The following CAPN9 variants were observed in gnomAD, a reference collection of about 807,000 sequenced individuals.
CAPN9 encodes the protein calpain-9.
CAPN9 carries 81 observed loss-of-function variants against 92.8 expected under a neutral mutation model. The ratio of observed to expected loss-of-function variants is 0.87; its 90% CI spans 0.73 to 1.05. The LOEUF is 1.05. CAPN9 is among the 50% of genes least tolerant of loss of function. The pLI is 0.00. For missense variants in CAPN9, 848 were observed against 866.2 expected, an observed-to-expected ratio of 0.98 and a Z score of 0.26; for synonymous variants, 304 against 328.0, an observed-to-expected ratio of 0.93 and a Z score of 0.79.
At chr1:230,747,936 C>T (rs563115767) in intron 1 of CAPN9, among the ~76,000 whole-genome samples, 2 of 152,248 alleles carry the variant, frequency 1.3e-5, no homozygotes, top group African/African-American at 4.8e-5. Flanking sequence ...ACCCGCTCCC[C>T]GGCTCCAAGC....
chr1:230,752,933 G>A (rs535289861), intron 1 of CAPN9, among the ~76,000 whole-genome samples: 1 of 152,322 alleles, frequency 6.6e-6, no homozygotes, highest in Non-Finnish European at 1.5e-5. Context: ...GAGCGGGGCA[G>A]GCTATTCCTG....
In CAPN9 at chr1:230,779,045, G is replaced by C; in HGVS notation, c.1026G>C (p.Glu342Asp). 1 of 1,613,822 alleles carries C rather than the reference G, an allele frequency of 6.2e-7. No homozygotes were observed. The highest frequency in any genetic ancestry group is 8.5e-7 in the Non-Finnish European group (1 of 1,179,978). Reference sequence around the variant, plus strand: ...GCAACCTCACTCCCGATGCCCTGGAGGAAGACGCGATCCACAAATGGGAGG... The same window carrying C: ...GCAACCTCACTCCCGATGCCCTGGACGAAGACGCGATCCACAAATGGGAGG... The part of the protein sequence containing the change: ...EICNLTPDAL[E>D]EDAIHKWEVT... Residue 342 changes from glutamate to aspartate, a missense_variant, in exon 9 of 20, where the codon GAG (glutamate) becomes GAC (aspartate). Coordinates refer to ENST00000271971, the MANE Select transcript of CAPN9 (RefSeq NM_006615.3).
chr1:230,751,591 AAGAAAGAAAGAAAGAAAG>A (rs1198757931), intron 1 of CAPN9, among the ~76,000 whole-genome samples: 3,462 of 22,738 alleles, frequency 0.15, 360 homozygotes, highest in Admixed American at 0.25. Flanking sequence ...GAAACAAAGA[AAGAAAGAAAGAAAGAAAG>A]AGAAAGAAAG....
intron 9 of CAPN9, 137 bp from the exon 10 acceptor site, chr1:230,780,042 T>C: frequency 1.6e-6 from 1 of 644,846 alleles, no homozygotes; most frequent in Non-Finnish European, 2.6e-6. Context: ...CTTTCTCATG[T>C]TTGGTAGGAC....
chr1:230,794,857 C>G (rs7556577), intron 17 of CAPN9, among the ~76,000 whole-genome samples: 3,384 of 152,308 alleles, frequency 0.022, 38 homozygotes, highest in Non-Finnish European at 0.035. Flanking sequence ...CAGCGAGACT[C>G]TATGGGTGAT....
intron 1 of CAPN9, among the ~76,000 whole-genome samples, chr1:230,751,270 A>G (rs963761216): frequency 1.1e-4 from 17 of 152,144 alleles, no homozygotes; most frequent in Non-Finnish European, 2.5e-4. Context: ...ACAGCCCCAA[A>G]GGCCCCATGG....
chr1:230,763,110 C>T (rs750689312), intron 4 of CAPN9, among the ~76,000 whole-genome samples: 13 of 152,204 alleles, frequency 8.5e-5, no homozygotes, highest in Non-Finnish European at 1.5e-4. Flanking sequence ...ACACTTCCCT[C>T]GGACACTGGC....
At chr1:230,749,440 G>A (rs1664628096) in intron 1 of CAPN9, among the ~76,000 whole-genome samples, 2 of 152,162 alleles carry the variant, frequency 1.3e-5, no homozygotes, top group Admixed American at 6.5e-5. Context: ...TTCCGGCCTC[G>A]GCGCATGAAC....
intron 3 of CAPN9, among the ~76,000 whole-genome samples, chr1:230,761,774 G>C (rs1665659064): frequency 6.6e-6 from 1 of 152,108 alleles, no homozygotes; most frequent in East Asian, 1.9e-4. Context: ...AGAAGGAACG[G>C]GTAGGAGGTG....
intron 1 of CAPN9, among the ~76,000 whole-genome samples, chr1:230,754,147 G>A (rs1572011624): frequency 6.6e-6 from 1 of 152,100 alleles, no homozygotes; most frequent in East Asian, 1.9e-4. Flanking sequence ...GAAGGGGCGG[G>A]GCTTCCGAGA....
intron 14 of CAPN9, among the ~76,000 whole-genome samples, chr1:230,791,007 A>T (rs1244672439): frequency 6.6e-6 from 1 of 152,218 alleles, no homozygotes; most frequent in Admixed American, 6.5e-5. Flanking sequence ...CTTTTCTCAC[A>T]TGGTGTGATG....
chr1:230,747,489 G>T lies in CAPN9; in HGVS notation c.-8G>T. The T allele has an allele frequency of 6.2e-7, 1 of 1,613,284 alleles. No homozygotes were observed. The highest frequency in any genetic ancestry group is 8.5e-7 in the Non-Finnish European group (1 of 1,179,500). On this transcript the variant is annotated 5_prime_UTR_variant, in exon 1 of 20. Transcript: ENST00000271971. ...GCCGGACCCAAGCCAGCCTTCCAGG[G>T]AGCAGCCATGCCTTACCTCTACCGG...
intron 18 of CAPN9, chr1:230,795,604 G>A (rs962523466): frequency 3.5e-5 from 9 of 257,898 alleles, no homozygotes; most frequent in Non-Finnish European, 5.4e-5. Context: ...TATAGAAACA[G>A]GAGAGTCTCA....
rs763097035 is a variant in CAPN9 at position 230,759,641 on chromosome 1, G to A, written c.402+11G>A. ...ATATTCCATTTCCAGGTAAGAGGGA[G>A]CCCTGGGCCAGTGGGTTTACCTCTC... On this transcript the variant is annotated intron_variant, in intron 3 of 19. Coordinates refer to ENST00000271971, the MANE Select transcript of CAPN9 (RefSeq NM_006615.3). 1 of 1,573,222 alleles carries A rather than the reference G, an allele frequency of 6.4e-7. No individual in the cohort carries two copies. Among genetic ancestry groups the A allele is most frequent in the Non-Finnish European group, 8.7e-7 (1 of 1,153,868 alleles).
At chr1:230,787,002 A>AT (rs891560516) in intron 12 of CAPN9, among the ~76,000 whole-genome samples, 1 of 152,194 alleles carries the variant, frequency 6.6e-6, no homozygotes, top group African/African-American at 2.4e-5. Flanking sequence ...TTAGGAGGGA[A>AT]TTTGCTGTTC....
At chr1:230,765,260 A>ACACAC (rs1665909859) in intron 4 of CAPN9, among the ~76,000 whole-genome samples, 2 of 102,244 alleles carry the variant, frequency 2.0e-5, no homozygotes, top group Admixed American at 8.5e-5. Flanking sequence ...CACACACACA[A>ACACAC]ATGAGGTTAT....
chr1:230,765,427 A>G (rs1313502199), intron 4 of CAPN9, among the ~76,000 whole-genome samples: 1 of 152,108 alleles, frequency 6.6e-6, no homozygotes, highest in African/African-American at 2.4e-5. Flanking sequence ...GGGAGGCCGA[A>G]GTAGGTGGAT....
chr1:230,747,894 C>T (rs28359585), intron 1 of CAPN9, among the ~76,000 whole-genome samples, 185 bp downstream of exon 1: 212 of 152,140 alleles, frequency 1.4e-3, no homozygotes, highest in Non-Finnish European at 2.7e-3. Context: ...GCCTGGGATG[C>T]TCTGCGGTGG....
At chr1:230,788,674 G>C (rs1482359343) in intron 13 of CAPN9, among the ~76,000 whole-genome samples, 1 of 152,152 alleles carries the variant, frequency 6.6e-6, no homozygotes, top group East Asian at 1.9e-4. Flanking sequence ...GAAAATGGGG[G>C]CTCATGTGAC....
Sources: allele counts gnomAD v4.1 joint callset (sites outside exome capture counted in the v4.1 genomes callset), GRCh38; gene constraint gnomAD v4.1.1; transcripts MANE v1.5; gene names NCBI Gene and HGNC (gene_info 2026-07-23, HGNC 2026-07-21).